SLC8A2: variants seen among roughly 807,000 people sequenced by gnomAD.
The protein encoded by SLC8A2 is solute carrier family 8 member A2.
SLC8A2 carries 14 observed loss-of-function variants against 70.2 expected under a neutral mutation model. The observed-to-expected ratio is 0.20, with a 90% CI of 0.13 to 0.31. The LOEUF (loss-of-function observed/expected upper bound fraction) is 0.31. SLC8A2 is among the 10% of genes least tolerant of loss of function. SLC8A2 has a pLI of 1.00. For synonymous variants in SLC8A2, 575 were observed against 594.3 expected (o/e 0.97, Z 0.47); for missense variants, 779 against 1,320.1 (o/e 0.59, Z 6.35).
chr19:47,433,363 A>G (rs1194676388), intron 8 of SLC8A2, among the ~76,000 whole-genome samples: 1 of 152,060 alleles, frequency 6.6e-6, no homozygotes, highest in Non-Finnish European at 1.5e-5. Context: ...GAGACTAGCA[A>G]CAGCTATGGC....
chr19:47,442,253 A>T (rs1020591756), intron 4 of SLC8A2, among the ~76,000 whole-genome samples: 7 of 152,156 alleles, frequency 4.6e-5, no homozygotes, highest in Middle Eastern at 3.2e-3. Flanking sequence ...GTTGCCTGCT[A>T]AACAATCCCA....
chr19:47,450,591 G>T (rs1425789161), intron 3 of SLC8A2, among the ~76,000 whole-genome samples: 2 of 152,202 alleles, frequency 1.3e-5, no homozygotes, highest in African/African-American at 4.8e-5. Flanking sequence ...GGACCGCAAG[G>T]TTCTGGCAAG....
At chr19:47,431,922 T>C (rs1012435551) in intron 9 of SLC8A2, among the ~76,000 whole-genome samples, 14 of 152,146 alleles carry the variant, frequency 9.2e-5, no homozygotes, top group African/African-American at 3.1e-4. Context: ...GTCTGGTTTC[T>C]AGCATTTCCT....
rs1282244627 is a variant in SLC8A2 at position 47,432,126 on chromosome 19, CATCTGAG to C, written c.2389+34_2389+40del. On this transcript the variant is annotated intron_variant, in intron 9 of 9. Transcript: ENST00000236877. This position sits in a 1 kb window ranked among gnomAD's most constrained non-coding sequence, Gnocchi z 6.2. ...GATCCTGTGTTGCCCCTGCCTGGCT[CATCTGAG>C]ATCCTACCCCACCAAAGTCTCCCAG... The C allele has an allele frequency of 6.5e-7, 1 of 1,548,758 alleles. No homozygotes were observed. Among genetic ancestry groups the C allele is most frequent in the South Asian group, 1.2e-5 (1 of 81,372 alleles).
intron 3 of SLC8A2, among the ~76,000 whole-genome samples, chr19:47,449,228 A>G (rs1967206609): frequency 1.3e-5 from 2 of 152,160 alleles, no homozygotes; most frequent in African/African-American, 2.4e-5. Context: ...GGCATGGTCA[A>G]GAAAGCCTTT....
At chr19:47,463,769 G>A (rs1967425796) in intron 2 of SLC8A2, among the ~76,000 whole-genome samples, 1 of 152,032 alleles carries the variant, frequency 6.6e-6, no homozygotes, top group Non-Finnish European at 1.5e-5. Flanking sequence ...AAATGCATAG[G>A]GGAGTTTGTT....
rs763446978 is a variant in SLC8A2 at position 47,457,055 on chromosome 19, G to A, written c.1215C>T (p.Cys405=). ...GCAGCACGGAGCCGCAGTTCTCCAG[G>A]CAGTGGTAGAGGCTAGGCTCGAAGA... The part of the protein sequence containing the change: ...RIFFEPSLYH[C]LENCGSVLLS... Residue 405 remains cysteine, a synonymous_variant, in exon 3 of 10, where the codon TGC becomes TGT. Transcript: ENST00000236877. 2.5e-5 allele frequency: 40 copies of A among 1,604,124 alleles called. No homozygotes were observed. Among genetic ancestry groups the A allele is most frequent in the Non-Finnish European group, 3.1e-5 (36 of 1,175,650 alleles).
At position 47,465,816 on chromosome 19, in the gene SLC8A2, T is replaced by C. The variant is rs1323477548; in HGVS notation, c.588A>G (p.Arg196=). 14 of 1,613,998 alleles carry C rather than the reference T, an allele frequency of 8.7e-6. No individual in the cohort carries two copies. Among genetic ancestry groups the C allele is most frequent in the East Asian group, 4.5e-5 (2 of 44,896 alleles). Residue 196 remains arginine, a synonymous_variant, in exon 2 of 10, where the codon AGA becomes AGG. Transcript: ENST00000236877. The surrounding 1 kb of genome is among the most constrained non-coding windows in gnomAD (Gnocchi z 5.5). Reference sequence around the variant, plus strand: ...TCCAAGAGGCAGTGACAAAGAAGACTCTCAGGTGCTTGATCTTGCGGCTCT... The same window carrying C: ...TCCAAGAGGCAGTGACAAAGAAGACCCTCAGGTGCTTGATCTTGCGGCTCT... ...AGESRKIKHL[R]VFFVTASWSI...
At chr19:47,437,247 G>A (rs1396529498) in intron 8 of SLC8A2, among the ~76,000 whole-genome samples, 1 of 151,942 alleles carries the variant, frequency 6.6e-6, no homozygotes, top group Non-Finnish European at 1.5e-5. Flanking sequence ...GCCCAGGCTG[G>A]AGTGCAGAGG....
intron 4 of SLC8A2, among the ~76,000 whole-genome samples, chr19:47,442,649 T>G (rs1322357761): frequency 6.6e-6 from 1 of 152,152 alleles, no homozygotes; most frequent in Non-Finnish European, 1.5e-5. Context: ...CCTCCAGCAC[T>G]CCCTTATACT....
intron 1 of SLC8A2, among the ~76,000 whole-genome samples, chr19:47,469,937 A>T (rs1300482945): frequency 6.6e-6 from 1 of 152,222 alleles, no homozygotes. Flanking sequence ...TCAGAAGAAC[A>T]GGACTGCATG....
At position 47,447,226 on chromosome 19, in the gene SLC8A2, C is replaced by A. The variant is rs1217240077; in HGVS notation, c.1763+583G>T. 6.6e-6 allele frequency among the ~76,000 whole-genome samples: 1 copy of A among 151,892 alleles called. No homozygotes were observed. Among genetic ancestry groups the A allele is most frequent in the Admixed American group, 6.6e-5 (1 of 15,240 alleles). On this transcript the variant is annotated intron_variant, in intron 4 of 9. Coordinates refer to ENST00000236877, the MANE Select transcript of SLC8A2 (RefSeq NM_015063.3). The surrounding 1 kb of genome is among the most constrained non-coding windows in gnomAD (Gnocchi z 5.1). ...CATTTCCTGATGTCGTATGTCCAAA[C>A]CCAGACCCCACCTATCGCCCTGGAC...
chr19:47,443,167 G>A (rs1171090155), intron 4 of SLC8A2, among the ~76,000 whole-genome samples: 2 of 152,086 alleles, frequency 1.3e-5, no homozygotes, highest in African/African-American at 4.8e-5. Flanking sequence ...TGCATATTTT[G>A]CTAACTCCAA....
At position 47,437,973 on chromosome 19, in the gene SLC8A2, C is replaced by T. The variant is rs1220684577; in HGVS notation, c.1886G>A (p.Gly629Glu). The T allele has an allele frequency of 5.6e-6, 9 of 1,613,962 alleles. No individual in the cohort carries two copies. The highest frequency in any genetic ancestry group is 7.6e-6 in the Non-Finnish European group (9 of 1,180,032). Residue 629 changes from glycine to glutamate, a missense_variant and splice_region_variant, in exon 7 of 10, where the codon GGG becomes GAG. Physicochemically the swap from Gly to Glu is moderately conservative, Grantham distance 98. Transcript: ENST00000236877. ...GGCTGTTAGCTTCCTGTCCCCATCCCCTGCAGCATGAGGGGTGGGGGTTAG... is the reference window on the plus strand; with the variant it reads ...GGCTGTTAGCTTCCTGTCCCCATCCTCTGCAGCATGAGGGGTGGGGGTTAG... ...RGISALLLNQ[G>E]DGDRKLTAEE...
chr19:47,446,910 C>T (rs1272595104), intron 4 of SLC8A2, among the ~76,000 whole-genome samples: 2 of 152,072 alleles, frequency 1.3e-5, no homozygotes, highest in African/African-American at 2.4e-5. Context: ...CGTCTGTCTA[C>T]ATGTGTGTGT....
At chr19:47,441,231 C>G in intron 5 of SLC8A2, 45 bp from the exon 6 acceptor site, 4 of 1,611,950 alleles carry the variant, frequency 2.5e-6, no homozygotes, top group African/African-American at 1.3e-5. Context: ...CAGTTCCCCA[C>G]GAAGCTCAGG....
chr19:47,441,473 C>CAA, intron 4 of SLC8A2, 33 bp from the exon 5 acceptor site: 1 of 1,322,516 alleles, frequency 7.6e-7, no homozygotes, highest in Non-Finnish European at 1.1e-6. Context: ...GCAGAACACT[C>CAA]AGTGTAAGGC....
intron 6 of SLC8A2, among the ~76,000 whole-genome samples, chr19:47,440,949 A>T (rs561722400): frequency 7.2e-5 from 11 of 152,196 alleles, no homozygotes; most frequent in African/African-American, 2.4e-4. Flanking sequence ...TTACAGACAT[A>T]ATCTTGACCT....
rs1449335180 is a variant in SLC8A2 at position 47,468,785 on chromosome 19, C to T, written c.-16-2366G>A. On this transcript the variant is annotated intron_variant, in intron 1 of 9. Transcript: ENST00000236877. This position sits in a 1 kb window ranked among gnomAD's most constrained non-coding sequence, Gnocchi z 5.1. ...CATCATCCAGCACCAACTCTGGCTC[C>T]CAGGTCGCCTCTCCAAGAGTGGCCC... is the stretch of plus-strand genomic sequence containing the variant. Among the ~76,000 whole-genome samples, 1 of 152,136 alleles carries T rather than the reference C, an allele frequency of 6.6e-6. No individual in the cohort carries two copies. Among genetic ancestry groups the T allele is most frequent in the Non-Finnish European group, 1.5e-5 (1 of 68,018 alleles).
Sources: allele counts gnomAD v4.1 joint callset (sites outside exome capture counted in the v4.1 genomes callset), GRCh38; gene constraint gnomAD v4.1.1; non-coding constraint Gnocchi (gnomAD v3.1); transcripts MANE v1.5; gene names NCBI Gene and HGNC (gene_info 2026-07-23, HGNC 2026-07-21).